The following SLC33A1 variants were observed in gnomAD, a reference collection of about 807,000 sequenced individuals.
SLC33A1 encodes acetyl-coenzyme A transporter 1.
Under a neutral mutation model 50.0 loss-of-function variants are expected in SLC33A1, and 20 were observed. The observed-to-expected ratio is 0.40, with a 90% CI of 0.28 to 0.58. The LOEUF (loss-of-function observed/expected upper bound fraction) is 0.58, where lower values mean the gene tolerates loss of function less well. SLC33A1 is among the 20% of genes least tolerant of loss of function. The pLI, the probability that SLC33A1 is intolerant of heterozygous loss-of-function variation, is 0.44. For synonymous variants in SLC33A1, 265 were observed against 251.8 expected (o/e 1.05, Z -0.50); for missense variants, 476 against 657.0 (o/e 0.72, Z 3.01).
intron 1 of SLC33A1, among the ~76,000 whole-genome samples, chr3:155,851,864 G>A (rs1753413804): frequency 6.6e-6 from 1 of 152,166 alleles, no homozygotes; most frequent in South Asian, 2.1e-4. Context: ...TCACTCATTA[G>A]CAGTTTGAGG....
chr3:155,837,434 T>A (rs1752727471), intron 2 of SLC33A1, among the ~76,000 whole-genome samples: 4 of 152,106 alleles, frequency 2.6e-5, no homozygotes, highest in East Asian at 1.9e-4. Context: ...TCTCTTACAC[T>A]GCTGGTGGTA....
At chr3:155,848,207 C>T (rs1753257833) in intron 1 of SLC33A1, among the ~76,000 whole-genome samples, 2 of 152,168 alleles carry the variant, frequency 1.3e-5, no homozygotes, top group African/African-American at 4.8e-5. Context: ...ACTATTATAA[C>T]GCATTGCAGC....
intron 2 of SLC33A1, among the ~76,000 whole-genome samples, chr3:155,834,353 T>C (rs758668331): frequency 9.2e-5 from 14 of 152,176 alleles, no homozygotes; most frequent in Non-Finnish European, 1.3e-4. Context: ...AAAATCCAAA[T>C]TTACCAATTT....
intron 1 of SLC33A1, among the ~76,000 whole-genome samples, chr3:155,852,333 A>C (rs1325910208): frequency 2.6e-5 from 4 of 152,154 alleles, no homozygotes; most frequent in Non-Finnish European, 5.9e-5. Context: ...AGAAAAAAGA[A>C]AAAAGAGAAA....
intron 2 of SLC33A1, among the ~76,000 whole-genome samples, chr3:155,836,179 G>A (rs1344218992): frequency 6.8e-6 from 1 of 147,714 alleles, no homozygotes; most frequent in Non-Finnish European, 1.5e-5. Flanking sequence ...AGCTACTCAG[G>A]AGGCTGAGGC....
Position 155,828,367 on chromosome 3 carries a change from T to A in SLC33A1, c.1493A>T (p.Lys498Ile). The part of the protein sequence containing the change: ...RTPDAVELCK[K>I]LGGSCVTALD... ...GGCTGTAACACATGAGCCACCCAGT[T>A]TTTTGCAAAGCTGTAAAAATAAAAC... Residue 498 changes from lysine (K) to isoleucine (I), a missense_variant, in exon 6 of 6, where the codon AAA becomes ATA. Lys to Ile is a moderately radical substitution (Grantham distance 102). Transcript: ENST00000643144. 6.2e-7 allele frequency: 1 copy of A among 1,601,486 alleles called. No homozygotes were observed. Among genetic ancestry groups the A allele is most frequent in the Non-Finnish European group, 8.6e-7 (1 of 1,168,582 alleles).
intron 4 of SLC33A1, among the ~76,000 whole-genome samples, chr3:155,830,697 A>G (rs963765329): frequency 2.0e-5 from 3 of 152,110 alleles, no homozygotes; most frequent in Non-Finnish European, 4.4e-5. Flanking sequence ...AATATGTATC[A>G]TATATTGCAT....
chr3:155,831,457 C>CAAAAAAAAAAAAAAAAA lies in SLC33A1; in HGVS notation c.1267-1571_1267-1555dup, dbSNP rs397991448. ...TGGGCAACAGAGTGAGACTCTGTCT[C>CAAAAAAAAAAAAAAAAA]AAAAAAAAAAAAAAAAAAAAAAAAA... On this transcript the variant is annotated intron_variant, in intron 4 of 5. Coordinates refer to ENST00000643144, the MANE Select transcript of SLC33A1 (RefSeq NM_004733.4). Among the ~76,000 whole-genome samples the CAAAAAAAAAAAAAAAAA allele has an allele frequency of 4.3e-4, 20 of 46,704 alleles. 2 individuals carry two copies. The highest frequency in any genetic ancestry group is 1.0e-3 in the African/African-American group (18 of 17,204). The allele number at this position is 46,704 out of a possible 152,430, so 30.6% of individuals were successfully genotyped here.
chr3:155,837,355 CAAAAAAAAAAAAA>C (rs370005455), intron 2 of SLC33A1, among the ~76,000 whole-genome samples: 1 of 69,382 alleles, frequency 1.4e-5, no homozygotes, highest in African/African-American at 4.8e-5. Context: ...GACTCCGTCT[CAAAAAAAAAAAAA>C]AAAAAAAAGA....
chr3:155,853,201 C>T, intron 1 of SLC33A1, 22 bp downstream of exon 1: 2 of 1,597,512 alleles, frequency 1.3e-6, no homozygotes, highest in Non-Finnish European at 1.7e-6. Flanking sequence ...AACCTAACAC[C>T]ATAATAGCTT....
At chr3:155,842,288 A>C (rs1752964516) in intron 2 of SLC33A1, 144 bp downstream of exon 2, 2 of 598,942 alleles carry the variant, frequency 3.3e-6, no homozygotes, top group East Asian at 5.7e-5. Context: ...TTTCAAATAC[A>C]TTTAATAAAC....
rs749262245 is a variant in SLC33A1 at position 155,821,100 on chromosome 3, A to G, written c.*7110T>C. 6.6e-6 allele frequency: 1 copy of G among 152,260 alleles called. No homozygotes were observed. The highest frequency in any genetic ancestry group is 2.4e-5 in the African/African-American group (1 of 41,478). The allele number at this position is 152,260 out of a possible 1,614,324, so 9.4% of individuals were successfully genotyped here. On this transcript the variant is annotated 3_prime_UTR_variant, in exon 6 of 6. Coordinates refer to ENST00000643144, the MANE Select transcript of SLC33A1 (RefSeq NM_004733.4). Reference sequence around the variant, plus strand: ...ATTTATCTAAAACACTGGATAATTTATTTCAAATATATTCCAAATACTTAA... The same window carrying G: ...ATTTATCTAAAACACTGGATAATTTGTTTCAAATATATTCCAAATACTTAA...
intron 3 of SLC33A1, 48 bp from the exon 4 acceptor site, chr3:155,833,633 C>T: frequency 1.7e-6 from 2 of 1,151,494 alleles, no homozygotes; most frequent in African/African-American, 1.5e-5. Flanking sequence ...GCTTAAATAA[C>T]AACAACAACA....
intron 1 of SLC33A1, among the ~76,000 whole-genome samples, chr3:155,851,247 C>T (rs1753387673): frequency 6.6e-6 from 1 of 151,590 alleles, no homozygotes; most frequent in African/African-American, 2.4e-5. Context: ...ATAAAAAATA[C>T]ATATATATAA....
At chr3:155,829,101 C>T (rs1308269629) in intron 5 of SLC33A1, among the ~76,000 whole-genome samples, 1 of 151,936 alleles carries the variant, frequency 6.6e-6, no homozygotes, top group Non-Finnish European at 1.5e-5. Flanking sequence ...GGGGTTTCAC[C>T]GTGTTGCCCA....
intron 1 of SLC33A1, among the ~76,000 whole-genome samples, chr3:155,848,657 G>A (rs1034268683): frequency 1.3e-5 from 2 of 152,016 alleles, no homozygotes; most frequent in Non-Finnish European, 2.9e-5. Context: ...ATTCCAGCCT[G>A]GGCAACAAAG....
intron 1 of SLC33A1, among the ~76,000 whole-genome samples, chr3:155,847,416 T>C (rs1184231729): frequency 6.6e-6 from 1 of 152,046 alleles, no homozygotes. Flanking sequence ...AAATTTGTCA[T>C]CAGGTAGGAA....
rs1161601535 is a variant in SLC33A1, at chr3:155,824,730, G to A, written c.*3480C>T. Reference sequence around the variant, plus strand: ...GATTTTTGGATCATGGCCCATCCAAGATTTTACTCTGTTCAGAAAAAGAAA... The same window carrying A: ...GATTTTTGGATCATGGCCCATCCAAAATTTTACTCTGTTCAGAAAAAGAAA... On this transcript the variant is annotated 3_prime_UTR_variant, in exon 6 of 6. Transcript: ENST00000643144. The A allele has an allele frequency of 2.6e-5, 4 of 151,730 alleles. No homozygotes were observed. Among genetic ancestry groups the A allele is most frequent in the African/African-American group, 7.3e-5 (3 of 41,262 alleles). 9.4% of individuals were successfully genotyped at this position (151,730 alleles called of 1,614,324 possible). A position where few individuals can be genotyped will look rare whatever the true frequency, so the allele number is the denominator to read the frequency against.
rs762945552 is a variant in SLC33A1, at chr3:155,833,815, T to A, written c.1148+42A>T. 6 of 1,467,456 alleles carry A rather than the reference T, an allele frequency of 4.1e-6. No homozygotes were observed. The South Asian group carries it at 6.8e-5, about 17-fold the overall frequency. The allele number at this position is 1,467,456 out of a possible 1,614,324, so 90.9% of individuals were successfully genotyped here. A position where few individuals can be genotyped will look rare whatever the true frequency, so the allele number is the denominator to read the frequency against. On this transcript the variant is annotated intron_variant, in intron 3 of 5. Coordinates refer to ENST00000643144, the MANE Select transcript of SLC33A1 (RefSeq NM_004733.4). ...TAGTGGTATTGATGAATGTTCCTCA[T>A]TTTACCCTTTCTTATTTAGTAAGGT...
Sources: gnomAD v4.1 joint callset for allele counts (sites outside exome capture counted in the v4.1 genomes callset) on GRCh38, gnomAD v4.1.1 for gene constraint, MANE v1.5 for transcripts, NCBI Gene and HGNC (gene_info 2026-07-23, HGNC 2026-07-21) for gene names.